The following CNNM1 variants were observed in gnomAD, a reference collection of about 807,000 sequenced individuals.
CNNM1 encodes the protein cyclin and CBS domain divalent metal cation transport mediator 1.
In CNNM1, 44 loss-of-function variants were observed where a neutral mutation model predicts 78.8. That is an observed-to-expected ratio of 0.56 (90% CI 0.44 to 0.72). CNNM1 has a LOEUF of 0.72. CNNM1 is among the 30% of genes least tolerant of loss of function. The pLI is 0.00. For missense variants in CNNM1, 1,101 were observed against 1,292.2 expected (o/e 0.85, Z 2.27); for synonymous variants, 584 against 581.5 (o/e 1.00, Z -0.06).
chr10:99,344,183 T>G (rs2030581692), intron 1 of CNNM1, among the ~76,000 whole-genome samples: 1 of 151,618 alleles, frequency 6.6e-6, no homozygotes, highest in African/African-American at 2.4e-5. Flanking sequence ...AATATAAAAA[T>G]TAGCTGGGCA....
chr10:99,355,768 G>A (rs568209077), intron 1 of CNNM1, among the ~76,000 whole-genome samples: 56 of 152,276 alleles, frequency 3.7e-4, no homozygotes, highest in African/African-American at 1.3e-3. Flanking sequence ...GTAAAATGTG[G>A]AGAATAGCAC....
intron 1 of CNNM1, among the ~76,000 whole-genome samples, chr10:99,340,241 G>A (rs2030381151): frequency 1.3e-5 from 2 of 152,118 alleles, no homozygotes; most frequent in South Asian, 4.2e-4. Flanking sequence ...CAAAAGAAAT[G>A]CCAGGTAACA....
intron 1 of CNNM1, among the ~76,000 whole-genome samples, chr10:99,341,098 G>A (rs1243953991): frequency 6.6e-6 from 1 of 152,168 alleles, no homozygotes; most frequent in African/African-American, 2.4e-5. Context: ...ATAATAGATA[G>A]ACTTGGTCTT....
intron 6 of CNNM1, chr10:99,365,243 CA>C: frequency 1.6e-6 from 1 of 609,674 alleles, no homozygotes. Flanking sequence ...TGGGGGGATG[CA>C]GGGGTTGTGA....
chr10:99,355,411 A>G (rs1010335489), intron 1 of CNNM1, among the ~76,000 whole-genome samples: 4 of 152,182 alleles, frequency 2.6e-5, no homozygotes, highest in African/African-American at 9.7e-5. Flanking sequence ...GTACCCTAAA[A>G]CTTAAAGTAT....
rs114896379 is a variant in CNNM1 at position 99,391,362 on chromosome 10, A to G, written c.2777-75A>G. On this transcript the variant is annotated intron_variant, in intron 10 of 10. Transcript: ENST00000356713. ...CTCCATTTCTGCTTCTGTTTTGAAA[A>G]GAACTCAGACTGCCAAGCAATTATG... 2.5e-3 allele frequency: 2,846 copies of G among 1,160,584 alleles called. 55 individuals are homozygous for G. The African/African-American group carries it at 0.037, about 15-fold the overall frequency. 71.9% of individuals were successfully genotyped at this position (1,160,584 alleles called of 1,614,324 possible).
intron 1 of CNNM1, among the ~76,000 whole-genome samples, chr10:99,343,864 G>A (rs1167113837): frequency 1.3e-5 from 2 of 151,664 alleles, no homozygotes; most frequent in Middle Eastern, 3.4e-3. Context: ...ACAGACACCC[G>A]CCACCATGCC....
At chr10:99,347,598 C>CACACACACACACACACACACACAA (rs1183280276) in intron 1 of CNNM1, among the ~76,000 whole-genome samples, 6 of 151,706 alleles carry the variant, frequency 4.0e-5, no homozygotes, top group Non-Finnish European at 8.8e-5. Context: ...CACACACACA[C>CACACACACACACACACACACACAA]AAATGTTGCA....
intron 7 of CNNM1, among the ~76,000 whole-genome samples, chr10:99,385,045 T>G (rs1447178918): frequency 2.1e-5 from 3 of 143,446 alleles, no homozygotes; most frequent in East Asian, 4.0e-4. Context: ...AGAGCGAGAC[T>G]CCATCTCAAA....
chr10:99,329,666 C>A lies in CNNM1; in HGVS notation c.279C>A (p.Asn93Lys). 1 of 1,557,580 alleles carries A rather than the reference C, an allele frequency of 6.4e-7. No individual in the cohort carries two copies. Residue 93 changes from asparagine (N) to lysine (K), a missense_variant, in exon 1 of 11, where the codon AAC becomes AAA. Asn to Lys is a moderately conservative substitution (Grantham distance 94). This residue lies in a region of CNNM1 where 476 missense variants were observed against 484.5 expected (regional missense o/e 0.98). Coordinates refer to ENST00000356713, the MANE Select transcript of CNNM1 (RefSeq NM_020348.3). ...CACCGGTGCCCTCACCGACCCTCAA[C>A]TCGGGGGAGAATGGCACCGGCGACT... Reference protein sequence around the residue: ...TAAPVPSPTLNSGENGTGDWA... With the variant: ...TAAPVPSPTLKSGENGTGDWA...
At chr10:99,356,605 A>AAAGAAAAGAAAAG (rs1491432735) in intron 1 of CNNM1, among the ~76,000 whole-genome samples, 1 of 56,326 alleles carries the variant, frequency 1.8e-5, no homozygotes, top group East Asian at 7.6e-4. Context: ...AGAAAGAAAG[A>AAAGAAAAGAAAAG]AAAGAAAGAA....
intron 9 of CNNM1, among the ~76,000 whole-genome samples, chr10:99,390,012 C>G (rs1455144614): frequency 6.6e-6 from 1 of 152,202 alleles, no homozygotes; most frequent in Non-Finnish European, 1.5e-5. Flanking sequence ...TCTCTAAACC[C>G]TCTCTCTTGC....
chr10:99,370,467 T>G (rs2031762577), intron 6 of CNNM1, among the ~76,000 whole-genome samples: 1 of 152,216 alleles, frequency 6.6e-6, no homozygotes, highest in Non-Finnish European at 1.5e-5. Flanking sequence ...AGCTAATCAC[T>G]GTGCCTTCCC....
rs541305191 is a variant in CNNM1 at position 99,365,075 on chromosome 10, C to T, written c.2176+73C>T. On this transcript the variant is annotated intron_variant, in intron 6 of 10. Transcript: ENST00000356713. ...CCTCAGCCCGCTCTGGGGACCTGGACCGAGCACTTTGAGCCTGGGCTGGGG... is the reference window on the plus strand; with the variant it reads ...CCTCAGCCCGCTCTGGGGACCTGGATCGAGCACTTTGAGCCTGGGCTGGGG... 61 of 1,517,584 alleles carry T rather than the reference C, an allele frequency of 4.0e-5. No homozygotes were observed. The East Asian group carries it at 1.3e-3, about 33-fold the overall frequency. The allele number at this position is 1,517,584 out of a possible 1,614,324, so 94.0% of individuals were successfully genotyped here. A position where few individuals can be genotyped will look rare whatever the true frequency, so the allele number is the denominator to read the frequency against.
At chr10:99,359,004 CAAAAAAAAAAAAAAAAAAAA>C (rs769541046) in intron 2 of CNNM1, among the ~76,000 whole-genome samples, 32 of 51,522 alleles carry the variant, frequency 6.2e-4, no homozygotes, top group African/African-American at 1.8e-3. Flanking sequence ...AAGACTGTCT[CAAAAAAAAAAAAAAAAAAAA>C]AAAAAAAAAA....
intron 6 of CNNM1, among the ~76,000 whole-genome samples, chr10:99,369,166 A>G (rs1589911102): frequency 6.6e-6 from 1 of 152,348 alleles, no homozygotes; most frequent in East Asian, 1.9e-4. Flanking sequence ...ACAACTTTTC[A>G]TTAGGTTTAA....
At position 99,329,778 on chromosome 10, in the gene CNNM1, C is replaced by T; in HGVS notation, c.391C>T (p.Gln131Ter). 6.7e-7 allele frequency: 1 copy of T among 1,492,002 alleles called. No individual in the cohort carries two copies. Among genetic ancestry groups the T allele is most frequent in the Non-Finnish European group, 8.9e-7 (1 of 1,128,654 alleles). The allele number at this position is 1,492,002 out of a possible 1,614,324, so 92.4% of individuals were successfully genotyped here. A position where few individuals can be genotyped will look rare whatever the true frequency, so the allele number is the denominator to read the frequency against. The change falls in exon 1 of 11, where the codon CAG becomes TAG. Residue 131 changes from glutamine to a stop codon, truncating the protein, a stop_gained. Transcript: ENST00000356713. LOFTEE classifies it high-confidence loss of function. ...GGTCCCCACTCGCCCCCCGGGACCG[C>T]AGCGCTGCAGGGAGCAGAGCGACTG... ...SAVPTRPPGP[Q>*]RCREQSDWAS...
intron 1 of CNNM1, among the ~76,000 whole-genome samples, chr10:99,342,364 C>G (rs1009403055): frequency 1.3e-5 from 2 of 152,148 alleles, no homozygotes; most frequent in Non-Finnish European, 2.9e-5. Flanking sequence ...GGCTTAGATT[C>G]TGGTGACGAA....
At chr10:99,347,599 A>ACACACACACACACAC (rs1564942665) in intron 1 of CNNM1, among the ~76,000 whole-genome samples, 1 of 151,748 alleles carries the variant, frequency 6.6e-6, no homozygotes, top group East Asian at 1.9e-4. Context: ...ACACACACAC[A>ACACACACACACACAC]AATGTTGCAA....
Sources: gnomAD v4.1 joint callset for allele counts (sites outside exome capture counted in the v4.1 genomes callset) on GRCh38, gnomAD v4.1.1 for gene constraint, gnomAD v4.1.1 regional missense constraint, MANE v1.5 for transcripts, NCBI Gene and HGNC (gene_info 2026-07-23, HGNC 2026-07-21) for gene names.